SPOCK3: variants seen among roughly 807,000 people sequenced by gnomAD.
The protein encoded by SPOCK3 is SPARC (osteonectin), cwcv and kazal like domains proteoglycan 3.
SPOCK3 carries 30 observed loss-of-function variants against 56.6 expected under a neutral mutation model. The observed-to-expected ratio is 0.53, with a 90% CI of 0.40 to 0.72. The LOEUF is 0.72. Ranked by LOEUF, SPOCK3 falls within the 30% of genes least tolerant of loss-of-function variation. The pLI, the probability that SPOCK3 is intolerant of heterozygous loss-of-function variation, is 0.00. For missense variants in SPOCK3, 527 were observed against 530.0 expected (o/e 0.99, Z 0.06); for synonymous variants, 196 against 183.3 (o/e 1.07, Z -0.56).
intron 2 of SPOCK3, among the ~76,000 whole-genome samples, chr4:167,109,800 C>G (rs1374117283): frequency 1.3e-5 from 2 of 151,074 alleles, no homozygotes; most frequent in Non-Finnish European, 3.0e-5. Context: ...TATGAAGGAG[C>G]AATGAAAGCT....
At chr4:166,742,230 CTATCATCTATCTATCTATCTATCT>C (rs1243402574) in intron 8 of SPOCK3, among the ~76,000 whole-genome samples, 171 bp from the exon 9 acceptor site, 10 of 145,076 alleles carry the variant, frequency 6.9e-5, no homozygotes, top group East Asian at 2.1e-4. Context: ...ATGTGTCTAT[CTATCATCTATCTATCTATCTATCT>C]ATCTATCTAT....
In SPOCK3 at chr4:166,734,936, A is replaced by G. The variant is rs2126333328; in HGVS notation, c.1287T>C (p.His429=). ...CTGTCATCAATCAAATGTATACATC[A>G]TGGTCATCACCACCATCATCATCAT... The part of the protein sequence containing the change: ...EGDDDDGGDD[H]DVYI Residue 429 remains histidine (H), a synonymous_variant, in exon 11 of 11, where the codon CAT becomes CAC. Transcript: ENST00000357545. 1 of 1,553,652 alleles carries G rather than the reference A, an allele frequency of 6.4e-7. No homozygotes were observed. The highest frequency in any genetic ancestry group is 2.3e-5 in the East Asian group (1 of 44,170).
chr4:167,070,462 G>T (rs929152795), intron 2 of SPOCK3, among the ~76,000 whole-genome samples: 1 of 151,762 alleles, frequency 6.6e-6, no homozygotes, highest in African/African-American at 2.4e-5. Context: ...GTAACTCTAT[G>T]CTAAGGAGTT....
chr4:166,890,643 T>C (rs545940539), intron 5 of SPOCK3, among the ~76,000 whole-genome samples: 1 of 152,156 alleles, frequency 6.6e-6, no homozygotes, highest in East Asian at 1.9e-4. Context: ...TTTATAACTG[T>C]ATATTTGACA....
chr4:166,960,043 A>G (rs1179149559), intron 4 of SPOCK3, among the ~76,000 whole-genome samples: 6 of 152,178 alleles, frequency 3.9e-5, no homozygotes, highest in African/African-American at 1.4e-4. Flanking sequence ...TAAACCTAAT[A>G]ACTCCCATAT....
chr4:166,875,575 A>C (rs1315382848), intron 6 of SPOCK3, among the ~76,000 whole-genome samples: 2 of 152,172 alleles, frequency 1.3e-5, no homozygotes, highest in South Asian at 2.1e-4. Context: ...AGTTTACCAT[A>C]CCCACACCCT....
At chr4:167,038,593 G>A (rs1752971518) in intron 3 of SPOCK3, among the ~76,000 whole-genome samples, 1 of 150,538 alleles carries the variant, frequency 6.6e-6, no homozygotes, top group South Asian at 2.1e-4. Context: ...CCACTCCCAG[G>A]GTGCCATCCA....
In SPOCK3 at chr4:166,912,671, C is replaced by G; in HGVS notation, c.423G>C (p.Val141=). 1 of 1,613,514 alleles carries G rather than the reference C, an allele frequency of 6.2e-7. No individual in the cohort carries two copies. The highest frequency in any genetic ancestry group is 8.5e-7 in the Non-Finnish European group (1 of 1,179,760). Residue 141 remains valine (V), a synonymous_variant, in exon 5 of 11, where the codon GTG becomes GTC. Coordinates refer to ENST00000357545, the MANE Select transcript of SPOCK3 (RefSeq NM_001040159.2). ...AACCACAAACAGGGCTGGGATAGAC[C>G]ACTGGGCACTGCTTGCAGGTGGATA... The part of the protein sequence containing the change: ...PILSTCKQCP[V]VYPSPVCGSD...
intron 4 of SPOCK3, among the ~76,000 whole-genome samples, chr4:166,917,456 C>G (rs1737987949): frequency 6.6e-6 from 1 of 152,116 alleles, no homozygotes; most frequent in Admixed American, 6.6e-5. Context: ...AAAACCTAAG[C>G]TGGCTGAAAA....
chr4:166,755,440 T>A (rs1257903304), intron 7 of SPOCK3, among the ~76,000 whole-genome samples: 1 of 152,178 alleles, frequency 6.6e-6, no homozygotes, highest in Non-Finnish European at 1.5e-5. Context: ...CCTGGTAAGC[T>A]GCAGACCTCA....
At chr4:167,230,401 C>A (rs1233656303) in intron 2 of SPOCK3, among the ~76,000 whole-genome samples, 1 of 150,194 alleles carries the variant, frequency 6.7e-6, no homozygotes, top group African/African-American at 2.4e-5. Context: ...TGAATGAATC[C>A]TTTACTCCTG....
intron 3 of SPOCK3, among the ~76,000 whole-genome samples, chr4:167,028,055 A>G (rs10016624): frequency 0.012 from 1,769 of 151,782 alleles, 36 homozygotes; most frequent in African/African-American, 0.041. Context: ...TTTCTCTTTG[A>G]TATCTTCTGT....
chr4:167,127,096 G>A (rs1477654997), intron 2 of SPOCK3, among the ~76,000 whole-genome samples: 13 of 152,116 alleles, frequency 8.5e-5, no homozygotes, highest in Admixed American at 1.3e-4. Flanking sequence ...CTGATTGATT[G>A]ATATTTTAGA....
intron 3 of SPOCK3, among the ~76,000 whole-genome samples, chr4:167,024,695 G>A (rs968416188): frequency 6.6e-6 from 1 of 151,928 alleles, no homozygotes; most frequent in Non-Finnish European, 1.5e-5. Flanking sequence ...TGGGGACTTG[G>A]CGGGAAGGGT....
chr4:167,189,375 A>C (rs1732278419), intron 2 of SPOCK3, among the ~76,000 whole-genome samples: 1 of 145,910 alleles, frequency 6.9e-6, no homozygotes, highest in African/African-American at 2.6e-5. Flanking sequence ...TAATATACTT[A>C]CCATATGAGC....
At chr4:167,047,132 T>G (rs960296115) in intron 3 of SPOCK3, among the ~76,000 whole-genome samples, 1 of 152,172 alleles carries the variant, frequency 6.6e-6, no homozygotes, top group South Asian at 2.1e-4. Flanking sequence ...AAGATAAGTA[T>G]AGTGAATTTA....
chr4:167,232,846 G>C, intron 2 of SPOCK3, among the ~76,000 whole-genome samples: 1 of 152,166 alleles, frequency 6.6e-6, no homozygotes, highest in East Asian at 1.9e-4. Flanking sequence ...TCATGGAGAG[G>C]CTGAGAGAAT....
At chr4:167,089,137 G>C (rs1375034677) in intron 2 of SPOCK3, among the ~76,000 whole-genome samples, 2 of 151,766 alleles carry the variant, frequency 1.3e-5, no homozygotes, top group Admixed American at 1.3e-4. Context: ...TTAAAAATAA[G>C]TTTATATATA....
chr4:166,975,505 C>T (rs1204163661), intron 4 of SPOCK3, among the ~76,000 whole-genome samples: 3 of 152,156 alleles, frequency 2.0e-5, no homozygotes, highest in Admixed American at 6.5e-5. Context: ...CTTTGTGTTA[C>T]ATTCCAGCTA....
Sources: gnomAD v4.1 joint callset for allele counts (sites outside exome capture counted in the v4.1 genomes callset) on GRCh38, gnomAD v4.1.1 for gene constraint, MANE v1.5 for transcripts, NCBI Gene and HGNC (gene_info 2026-07-23, HGNC 2026-07-21) for gene names.